ADAMTS2: variants seen among roughly 807,000 people sequenced by gnomAD.
ADAMTS2 encodes the protein A disintegrin and metalloproteinase with thrombospondin motifs 2.
Under a neutral mutation model 123.0 loss-of-function variants are expected in ADAMTS2, and 50 were observed. That is an observed-to-expected ratio of 0.41 (90% CI 0.32 to 0.51). The LOEUF (loss-of-function observed/expected upper bound fraction) is 0.51, where lower values mean the gene tolerates loss of function less well. ADAMTS2 is among the 20% of genes least tolerant of loss of function. The pLI is 0.35. For missense variants in ADAMTS2, 1,494 were observed against 1,705.2 expected (o/e 0.88, Z 2.18); for synonymous variants, 678 against 695.4 (o/e 0.98, Z 0.39).
chr5:179,310,733 G>T (rs1394823994), intron 2 of ADAMTS2, among the ~76,000 whole-genome samples: 1 of 152,164 alleles, frequency 6.6e-6, no homozygotes, highest in Non-Finnish European at 1.5e-5. Context: ...TGAAGTCTGG[G>T]ACACACTGCT....
intron 2 of ADAMTS2, among the ~76,000 whole-genome samples, chr5:179,329,119 A>C (rs1190351466): frequency 6.6e-6 from 1 of 152,148 alleles, no homozygotes; most frequent in Non-Finnish European, 1.5e-5. Context: ...CGAGGTCAGG[A>C]GATGGAGACC....
rs909285949 is a variant in ADAMTS2 at position 179,213,087 on chromosome 5, C to T, written c.689-5372G>A. Among the ~76,000 whole-genome samples, 11 of 152,230 alleles carry T rather than the reference C, an allele frequency of 7.2e-5. No individual in the cohort carries two copies. The East Asian group carries it at 2.1e-3, about 29-fold the overall frequency. On this transcript the variant is annotated intron_variant, in intron 3 of 21. Coordinates refer to ENST00000251582, the MANE Select transcript of ADAMTS2 (RefSeq NM_014244.5). Reference sequence around the variant, plus strand: ...CACACTGCGTGCCACTAGGGGACGACAGGGACAGGGGCCGGGGCAGGGATG... The same window carrying T: ...CACACTGCGTGCCACTAGGGGACGATAGGGACAGGGGCCGGGGCAGGGATG...
chr5:179,224,374 G>A (rs1360116929), intron 3 of ADAMTS2, among the ~76,000 whole-genome samples: 3 of 152,160 alleles, frequency 2.0e-5, no homozygotes, highest in Admixed American at 6.5e-5. Context: ...CCTGACCCTC[G>A]ACCTGTGGGT....
chr5:179,132,947 A>G lies in ADAMTS2; in HGVS notation c.2086-47T>C. The G allele has an allele frequency of 6.2e-7, 1 of 1,600,536 alleles. No individual in the cohort carries two copies. The highest frequency in any genetic ancestry group is 8.5e-7 in the Non-Finnish European group (1 of 1,174,146). On this transcript the variant is annotated intron_variant, in intron 13 of 21. Transcript: ENST00000251582. The surrounding 1 kb of genome is among the most constrained non-coding windows in gnomAD (Gnocchi z 6.1). ...AGCACTTGAGACGTCCTGCTAGTAG[A>G]GTCAGGGTCATACTATGTTGCCCCC... is the stretch of plus-strand genomic sequence containing the variant.
chr5:179,280,058 G>A (rs528079414), intron 2 of ADAMTS2, among the ~76,000 whole-genome samples: 1 of 152,304 alleles, frequency 6.6e-6, no homozygotes, highest in East Asian at 1.9e-4. Flanking sequence ...GCCTTCCAGG[G>A]TTCTGCTGAG....
At chr5:179,217,422 G>C (rs973596688) in intron 3 of ADAMTS2, among the ~76,000 whole-genome samples, 1 of 152,238 alleles carries the variant, frequency 6.6e-6, no homozygotes, top group African/African-American at 2.4e-5. Flanking sequence ...AAGAGAGCAG[G>C]CTGGGGAGAT....
At chr5:179,134,624 C>T (rs932192879) in intron 13 of ADAMTS2, among the ~76,000 whole-genome samples, 2 of 152,214 alleles carry the variant, frequency 1.3e-5, no homozygotes, top group Admixed American at 6.5e-5. Context: ...CTTGTTTTGG[C>T]GTATTTGGTG....
chr5:179,263,836 C>G (rs189671399), intron 3 of ADAMTS2, among the ~76,000 whole-genome samples: 25 of 152,368 alleles, frequency 1.6e-4, no homozygotes, highest in Middle Eastern at 3.4e-3. Context: ...GACCTTTCCC[C>G]GCTCAGAGCT....
intron 3 of ADAMTS2, among the ~76,000 whole-genome samples, chr5:179,271,718 CCA>C (rs1766539335): frequency 6.6e-6 from 1 of 152,230 alleles, no homozygotes; most frequent in African/African-American, 2.4e-5. Context: ...CTGATTGGCT[CCA>C]GAGTACATTG....
chr5:179,232,070 ATTATGAAAT>A (rs1326271453), intron 3 of ADAMTS2, among the ~76,000 whole-genome samples: 1 of 152,240 alleles, frequency 6.6e-6, no homozygotes, highest in Non-Finnish European at 1.5e-5. Context: ...TCAATTTTAC[ATTATGAAAT>A]AGAGTGCATC....
chr5:179,185,636 G>A lies in ADAMTS2; in HGVS notation c.892-4481C>T, dbSNP rs752251102. Among the ~76,000 whole-genome samples, 37 of 152,176 alleles carry A rather than the reference G, an allele frequency of 2.4e-4. No homozygotes were observed. Among genetic ancestry groups the A allele is most frequent in the Non-Finnish European group, 4.6e-4 (31 of 68,004 alleles). On this transcript the variant is annotated intron_variant, in intron 4 of 21. Coordinates refer to ENST00000251582, the MANE Select transcript of ADAMTS2 (RefSeq NM_014244.5). The surrounding 1 kb of genome is among the most constrained non-coding windows in gnomAD (Gnocchi z 5.9). Reference sequence around the variant, plus strand: ...GGTGACCAACCACTCCAAAAGCCCCGTCGCTGGGCATGGAACTCCCTGGGA... The same window carrying A: ...GGTGACCAACCACTCCAAAAGCCCCATCGCTGGGCATGGAACTCCCTGGGA...
chr5:179,322,137 G>C (rs1270785920), intron 2 of ADAMTS2, among the ~76,000 whole-genome samples: 1 of 152,144 alleles, frequency 6.6e-6, no homozygotes, highest in African/African-American at 2.4e-5. Context: ...TCTCCTTTTG[G>C]CTTATTTCTG....
At chr5:179,182,891 T>C (rs1397934625) in intron 4 of ADAMTS2, among the ~76,000 whole-genome samples, 2 of 152,160 alleles carry the variant, frequency 1.3e-5, no homozygotes, top group African/African-American at 4.8e-5. Flanking sequence ...CTCGCCCCTG[T>C]GGCTGACAAG....
rs755578308 is a variant in ADAMTS2, at chr5:179,114,271, G to A, written c.3232C>T (p.Arg1078Cys). 22 of 1,614,030 alleles carry A rather than the reference G, an allele frequency of 1.4e-5. No individual in the cohort carries two copies. The highest frequency in any genetic ancestry group is 4.0e-5 in the African/African-American group (3 of 74,924). The change falls in exon 22 of 22, where the codon CGC becomes TGC. Residue 1078 changes from arginine to cysteine, a missense_variant. By Grantham distance (180) the Arg-to-Cys change is radical. Around this residue, in one of 6 missense-constraint regions of ADAMTS2, gnomAD observed 953 missense variants for 1,124.7 expected, o/e 0.85. Transcript: ENST00000251582. ...TTGTAGCCTGGGATGGAGCAATAGC[G>A]GGACAAGACTTCCATCCTACAGAAT... ...SIFCRMEVLS[R>C]YCSIPGYNKL...
chr5:179,190,156 T>C (rs375998832), intron 4 of ADAMTS2, among the ~76,000 whole-genome samples: 1 of 152,208 alleles, frequency 6.6e-6, no homozygotes. Flanking sequence ...GACATTCCTG[T>C]CTTCTTATAT....
Position 179,202,187 on chromosome 5 carries a change from G to A in ADAMTS2, c.891+5326C>T, listed in dbSNP as rs1056957019. Among the ~76,000 whole-genome samples the A allele has an allele frequency of 1.3e-5, 2 of 151,918 alleles. No individual in the cohort carries two copies. The highest frequency in any genetic ancestry group is 2.4e-5 in the African/African-American group (1 of 41,420). On this transcript the variant is annotated intron_variant, in intron 4 of 21. Coordinates refer to ENST00000251582, the MANE Select transcript of ADAMTS2 (RefSeq NM_014244.5). This position sits in a 1 kb window ranked among gnomAD's most constrained non-coding sequence, Gnocchi z 4.0. ...GAAGACTGCGGCGGCCGGCCTTGCC[G>A]GCCCCGACTTCCCCTACCTGTGCCC...
At chr5:179,324,849 G>A (rs189246493) in intron 2 of ADAMTS2, among the ~76,000 whole-genome samples, 17 of 152,338 alleles carry the variant, frequency 1.1e-4, no homozygotes, top group African/African-American at 3.6e-4. Context: ...AGGAAGGTTT[G>A]CTGGAAGAGG....
In ADAMTS2 at chr5:179,262,522, C is replaced by T. The variant is rs2113491487; in HGVS notation, c.688+10389G>A. On this transcript the variant is annotated intron_variant, in intron 3 of 21. Transcript: ENST00000251582. This position sits in a 1 kb window ranked among gnomAD's most constrained non-coding sequence, Gnocchi z 5.9. ...CATCCCTCCCGGCCCTGCACGCCTC[C>T]CACTCCCCCATTACGTCCTCAGTTC... Among the ~76,000 whole-genome samples the T allele has an allele frequency of 6.6e-6, 1 of 152,254 alleles. No individual in the cohort carries two copies. Among genetic ancestry groups the T allele is most frequent in the East Asian group, 1.9e-4 (1 of 5,170 alleles).
intron 5 of ADAMTS2, among the ~76,000 whole-genome samples, chr5:179,171,461 G>A (rs1290770018): frequency 1.3e-5 from 2 of 152,220 alleles, no homozygotes; most frequent in Non-Finnish European, 2.9e-5. Flanking sequence ...TTTGCAGTAG[G>A]TCCAACCTAA....
Sources: gnomAD v4.1 joint callset for allele counts (sites outside exome capture counted in the v4.1 genomes callset) on GRCh38, gnomAD v4.1.1 for gene constraint, gnomAD v4.1.1 regional missense constraint, Gnocchi (gnomAD v3.1) non-coding constraint, MANE v1.5 for transcripts, NCBI Gene and HGNC (gene_info 2026-07-23, HGNC 2026-07-21) for gene names.